Variants in COL5A2 observed in about 807,000 individuals in gnomAD.
The protein encoded by COL5A2 is collagen alpha-2(V) chain.
A neutral mutation model predicts 208.2 loss-of-function variants in COL5A2; 23 were observed. The observed-to-expected ratio is 0.11, with a 90% CI of 0.08 to 0.16. The LOEUF (loss-of-function observed/expected upper bound fraction) is 0.16. COL5A2 is among the 10% of genes least tolerant of loss of function. COL5A2 has a pLI of 1.00. For synonymous variants in COL5A2, 625 were observed against 628.5 expected, an observed-to-expected ratio of 0.99 and a Z score of 0.08; for missense variants, 1,590 against 1,956.4, an observed-to-expected ratio of 0.81 and a Z score of 3.53.
Position 189,139,417 on chromosome 2 carries a change from T to C in COL5A2, c.98-28968A>G, listed in dbSNP as rs369114356. ...AAAACAAAAATCATACACATCCTAA[T>C]TGAGGGACATGGTACAAAATATCAG... On this transcript the variant is annotated intron_variant, in intron 1 of 53. Transcript: ENST00000374866. 4.6e-5 allele frequency among the ~76,000 whole-genome samples: 7 copies of C among 152,208 alleles called. No individual in the cohort carries two copies. In the East Asian group the frequency reaches 1.2e-3, roughly 25 times the overall value.
chr2:189,196,754 C>T (rs1425431210), intron 1 of COL5A2, among the ~76,000 whole-genome samples: 1 of 152,076 alleles, frequency 6.6e-6, no homozygotes, highest in Non-Finnish European at 1.5e-5. Flanking sequence ...GAGATACCAT[C>T]TCATGACAGT....
chr2:189,038,253 C>T (rs531368556), intron 51 of COL5A2, among the ~76,000 whole-genome samples: 10 of 152,216 alleles, frequency 6.6e-5, no homozygotes, highest in African/African-American at 2.4e-4. Flanking sequence ...TGCTCATTAG[C>T]TCTTACTTAT....
At chr2:189,390,510 A>C in the COL5A2 span, among the ~76,000 whole-genome samples, 1 of 152,212 alleles carries the variant, frequency 6.6e-6, no homozygotes, top group African/African-American at 2.4e-5. Context: ...ATCATATGAA[A>C]TATGGTTGCT....
At chr2:189,194,918 T>G (rs1170230610) in intron 1 of COL5A2, among the ~76,000 whole-genome samples, 1 of 152,092 alleles carries the variant, frequency 6.6e-6, no homozygotes, top group African/African-American at 2.4e-5. Flanking sequence ...TTGTGTATGT[T>G]GAACAAGCCT....
chr2:189,127,014 C>G (rs1451572711), intron 1 of COL5A2, among the ~76,000 whole-genome samples: 1 of 152,056 alleles, frequency 6.6e-6, no homozygotes, highest in Non-Finnish European at 1.5e-5. Context: ...CGATAAGCAA[C>G]TTACAGAAAT....
the COL5A2 span, among the ~76,000 whole-genome samples, chr2:189,358,982 A>G: frequency 6.6e-6 from 1 of 152,124 alleles, no homozygotes; most frequent in African/African-American, 2.4e-5. Flanking sequence ...TGGAGTGGTT[A>G]GGATTTCCTA....
At chr2:189,275,781 T>C in the COL5A2 span, among the ~76,000 whole-genome samples, 1 of 152,178 alleles carries the variant, frequency 6.6e-6, no homozygotes, top group African/African-American at 2.4e-5. Flanking sequence ...TAAAAGAGAA[T>C]GCTTTCTTCT....
At chr2:189,177,001 C>A (rs1265640546) in intron 1 of COL5A2, among the ~76,000 whole-genome samples, 3 of 152,106 alleles carry the variant, frequency 2.0e-5, no homozygotes, top group Non-Finnish European at 2.9e-5. Flanking sequence ...TCTTCTCATT[C>A]ATATGTTTCT....
At chr2:189,058,362 C>T in intron 33 of COL5A2, 67 bp downstream of exon 33, 1 of 1,180,992 alleles carries the variant, frequency 8.5e-7, no homozygotes, top group African/African-American at 1.5e-5. Flanking sequence ...CATTCTCACA[C>T]CATCATGCGT....
At chr2:189,286,010 C>G in the COL5A2 span, among the ~76,000 whole-genome samples, 2 of 151,420 alleles carry the variant, frequency 1.3e-5, no homozygotes, top group South Asian at 2.1e-4. Flanking sequence ...CACCAAGCAG[C>G]TATTATCTAA....
At chr2:189,295,841 G>A in the COL5A2 span, among the ~76,000 whole-genome samples, 1 of 152,066 alleles carries the variant, frequency 6.6e-6, no homozygotes, top group East Asian at 1.9e-4. Context: ...AAAATGTACT[G>A]TTTTATAAAT....
chr2:189,409,019 C>T, the COL5A2 span, among the ~76,000 whole-genome samples: 1 of 151,964 alleles, frequency 6.6e-6, no homozygotes, highest in East Asian at 1.9e-4. Flanking sequence ...TTTGAAGTTT[C>T]ATTTATAAAT....
chr2:189,162,463 A>G (rs1289133536), intron 1 of COL5A2, among the ~76,000 whole-genome samples: 1 of 152,202 alleles, frequency 6.6e-6, no homozygotes, highest in Non-Finnish European at 1.5e-5. Flanking sequence ...AGCAAATTCT[A>G]ATGTTACTGA....
At chr2:189,128,727 G>A (rs1308879578) in intron 1 of COL5A2, among the ~76,000 whole-genome samples, 1 of 151,966 alleles carries the variant, frequency 6.6e-6, no homozygotes, top group African/African-American at 2.4e-5. Context: ...TTCCAATGAT[G>A]TGCAACAAGA....
the COL5A2 span, among the ~76,000 whole-genome samples, chr2:189,439,320 C>G: frequency 2.0e-5 from 3 of 152,190 alleles, no homozygotes; most frequent in Non-Finnish European, 2.9e-5. Flanking sequence ...CTGGCATATA[C>G]TAGGCACTTA....
chr2:189,402,221 T>C, the COL5A2 span, among the ~76,000 whole-genome samples: 10,148 of 152,210 alleles, frequency 0.067, 391 homozygotes, highest in South Asian at 0.089. Flanking sequence ...GTCGTTTCAG[T>C]TTTTTGTTTG....
In COL5A2 at chr2:189,034,175, T is replaced by C. The variant is rs1458452446; in HGVS notation, c.4395A>G (p.Arg1465=). The change falls in exon 54 of 54, where the codon AGA becomes AGG. Residue 1465 remains arginine (R), a synonymous_variant. Transcript: ENST00000374866. The part of the protein sequence containing the change: ...GNVGKTVFEY[R]TQNVARLPII... ...TGGGCAAGCGTGCCACATTCTGTGTTCTATATTCAAAGACAGTCTTGCCCA... is the reference window on the plus strand; with the variant it reads ...TGGGCAAGCGTGCCACATTCTGTGTCCTATATTCAAAGACAGTCTTGCCCA... The C allele has an allele frequency of 6.2e-7, 1 of 1,614,036 alleles. No homozygotes were observed. Among genetic ancestry groups the C allele is most frequent in the Admixed American group, 1.7e-5 (1 of 59,974 alleles).
chr2:189,325,765 C>T, the COL5A2 span, among the ~76,000 whole-genome samples: 1 of 152,020 alleles, frequency 6.6e-6, no homozygotes. Flanking sequence ...TATGGGTGTT[C>T]CTCTAAAAGT....
At chr2:189,062,776 T>A in intron 29 of COL5A2, 89 bp downstream of exon 29, 1 of 1,467,946 alleles carries the variant, frequency 6.8e-7, no homozygotes, top group Non-Finnish European at 9.5e-7. Context: ...TCCCTGAAAC[T>A]TACCCATAAG....
Sources: gnomAD v4.1 joint callset for allele counts (sites outside exome capture counted in the v4.1 genomes callset) on GRCh38, gnomAD v4.1.1 for gene constraint, MANE v1.5 for transcripts, NCBI Gene and HGNC (gene_info 2026-07-23, HGNC 2026-07-21) for gene names.